RBMS3: variants seen among roughly 807,000 people sequenced by gnomAD.
The protein encoded by RBMS3 is RNA-binding motif, single-stranded-interacting protein 3.
RBMS3 carries 27 observed loss-of-function variants against 66.8 expected under a neutral mutation model. That is an observed-to-expected ratio of 0.40 (90% CI 0.30 to 0.56). RBMS3 has a LOEUF of 0.56. Ranked by LOEUF, RBMS3 falls within the 20% of genes least tolerant of loss-of-function variation. The pLI is 0.40. For synonymous variants in RBMS3, 188 were observed against 183.0 expected (o/e 1.03, Z -0.22); for missense variants, 513 against 549.5 (o/e 0.93, Z 0.66).
At chr3:29,334,661 G>A (rs1375432412) in intron 1 of RBMS3, among the ~76,000 whole-genome samples, 1 of 152,134 alleles carries the variant, frequency 6.6e-6, no homozygotes, top group Admixed American at 6.6e-5. Flanking sequence ...AAATGCTCCT[G>A]CAGTTGTGAA....
At chr3:29,812,841 A>G (rs1356889614) in intron 6 of RBMS3, among the ~76,000 whole-genome samples, 1 of 152,172 alleles carries the variant, frequency 6.6e-6, no homozygotes, top group Admixed American at 6.6e-5. Flanking sequence ...GAGATGGTAG[A>G]ACATATAAAT....
chr3:29,999,080 A>T (rs1370650557), intron 14 of RBMS3, among the ~76,000 whole-genome samples: 1 of 152,080 alleles, frequency 6.6e-6, no homozygotes, highest in African/African-American at 2.4e-5. Flanking sequence ...AAAACAAAAA[A>T]CCCCATCAAA....
At chr3:29,945,889 A>C (rs1695272042) in intron 12 of RBMS3, among the ~76,000 whole-genome samples, 1 of 151,718 alleles carries the variant, frequency 6.6e-6, no homozygotes, top group Non-Finnish European at 1.5e-5. Flanking sequence ...ATGCTTTAAG[A>C]AACTGAATCT....
chr3:29,953,635 A>G (rs1282439138), intron 12 of RBMS3, among the ~76,000 whole-genome samples: 3 of 152,028 alleles, frequency 2.0e-5, no homozygotes, highest in East Asian at 1.9e-4. Flanking sequence ...TCACATACAT[A>G]CTATGTTCTA....
At chr3:29,629,764 C>T (rs1282901877) in intron 4 of RBMS3, among the ~76,000 whole-genome samples, 4 of 151,960 alleles carry the variant, frequency 2.6e-5, no homozygotes, top group Non-Finnish European at 5.9e-5. Context: ...ATTTTTAAGT[C>T]AATGTTAACT....
intron 1 of RBMS3, among the ~76,000 whole-genome samples, chr3:29,322,366 C>G (rs1230167304): frequency 2.6e-5 from 4 of 152,062 alleles, no homozygotes; most frequent in Non-Finnish European, 4.4e-5. Flanking sequence ...CCTATCCATA[C>G]ATGAATTTAT....
chr3:29,568,267 C>A (rs1463021237), intron 3 of RBMS3, among the ~76,000 whole-genome samples: 1 of 152,132 alleles, frequency 6.6e-6, no homozygotes, highest in East Asian at 1.9e-4. Flanking sequence ...GGAAGGAGAG[C>A]AGATACTTGT....
At chr3:29,595,720 A>G (rs767234655) in intron 4 of RBMS3, among the ~76,000 whole-genome samples, 2 of 152,164 alleles carry the variant, frequency 1.3e-5, no homozygotes, top group Non-Finnish European at 2.9e-5. Context: ...TAAGAAAACT[A>G]TTGGTTGTAT....
chr3:29,290,267 A>G (rs1324023459), intron 1 of RBMS3, among the ~76,000 whole-genome samples: 1 of 151,868 alleles, frequency 6.6e-6, no homozygotes, highest in Non-Finnish European at 1.5e-5. Flanking sequence ...TGAGTAGGTG[A>G]AGTATTTGAA....
chr3:29,688,164 C>T (rs1053893834), intron 4 of RBMS3, among the ~76,000 whole-genome samples: 1 of 152,084 alleles, frequency 6.6e-6, no homozygotes, highest in Non-Finnish European at 1.5e-5. Context: ...TTTGCCTTTT[C>T]TTCTCTTCTC....
At chr3:29,500,427 A>T (rs1336568677) in intron 3 of RBMS3, among the ~76,000 whole-genome samples, 1 of 148,694 alleles carries the variant, frequency 6.7e-6, no homozygotes, top group Admixed American at 6.7e-5. Context: ...AAATATATAT[A>T]TATAATTTTA....
chr3:29,974,348 G>A (rs1697416454), intron 12 of RBMS3, among the ~76,000 whole-genome samples: 1 of 151,890 alleles, frequency 6.6e-6, no homozygotes. Context: ...TTTCACATCT[G>A]AATCTATTAA....
intron 1 of RBMS3, among the ~76,000 whole-genome samples, chr3:29,425,731 G>A (rs1254159169): frequency 6.6e-6 from 1 of 152,164 alleles, no homozygotes; most frequent in Non-Finnish European, 1.5e-5. Flanking sequence ...GTGTAAGAAT[G>A]TTACTCTAAG....
intron 4 of RBMS3, among the ~76,000 whole-genome samples, chr3:29,734,805 A>G (rs2149342022): frequency 6.6e-6 from 1 of 152,198 alleles, no homozygotes; most frequent in Non-Finnish European, 1.5e-5. Context: ...GTTGAGTGTA[A>G]TGATGAAAAG....
chr3:29,987,215 T>C (rs1698449434), intron 12 of RBMS3, among the ~76,000 whole-genome samples: 1 of 152,212 alleles, frequency 6.6e-6, no homozygotes, highest in African/African-American at 2.4e-5. Context: ...GATTCCAGTT[T>C]TGATGTTTTG....
chr3:29,523,439 T>G (rs2044947444), intron 3 of RBMS3, among the ~76,000 whole-genome samples: 1 of 152,166 alleles, frequency 6.6e-6, no homozygotes. Context: ...TGACTGTTCA[T>G]TTTTATACTT....
intron 4 of RBMS3, among the ~76,000 whole-genome samples, chr3:29,655,706 A>G (rs531042650): frequency 6.6e-6 from 1 of 152,346 alleles, no homozygotes; most frequent in African/African-American, 2.4e-5. Context: ...TTATTTTAGA[A>G]TGTACCACTT....
intron 4 of RBMS3, among the ~76,000 whole-genome samples, chr3:29,671,827 G>T (rs986971333): frequency 3.9e-5 from 6 of 152,172 alleles, no homozygotes; most frequent in Non-Finnish European, 8.8e-5. Flanking sequence ...TGAAAGTGAC[G>T]GGGAGAATGG....
intron 4 of RBMS3, among the ~76,000 whole-genome samples, chr3:29,720,438 G>A (rs894686060): frequency 1.3e-5 from 2 of 152,088 alleles, no homozygotes; most frequent in Non-Finnish European, 2.9e-5. Flanking sequence ...CCCTATGGTA[G>A]TAGTAGTATT....
Sources: gnomAD v4.1 joint callset for allele counts (sites outside exome capture counted in the v4.1 genomes callset) on GRCh38, gnomAD v4.1.1 for gene constraint, MANE v1.5 for transcripts, NCBI Gene and HGNC (gene_info 2026-07-23, HGNC 2026-07-21) for gene names.